The following URB1 variants were observed in gnomAD, a reference collection of about 807,000 sequenced individuals.
The protein encoded by URB1 is URB1 ribosome biogenesis factor.
A neutral mutation model predicts 242.3 loss-of-function variants in URB1; 197 were observed. The ratio of observed to expected loss-of-function variants is 0.81; its 90% CI spans 0.72 to 0.91. The LOEUF is 0.91. Ranked by LOEUF, URB1 falls within the 40% of genes least tolerant of loss-of-function variation. The pLI, the probability that URB1 is intolerant of heterozygous loss-of-function variation, is 0.00. For missense variants in URB1, 2,721 were observed against 2,860.5 expected, an observed-to-expected ratio of 0.95 and a Z score of 1.11; for synonymous variants, 1,153 against 1,201.8, an observed-to-expected ratio of 0.96 and a Z score of 0.84.
chr21:32,350,066 T>C (rs919649822), intron 20 of URB1, among the ~76,000 whole-genome samples: 1 of 145,750 alleles, frequency 6.9e-6, no homozygotes, highest in Admixed American at 7.1e-5. Context: ...GAGGTTGCAG[T>C]GAGCCAAGAT....
intron 14 of URB1, among the ~76,000 whole-genome samples, chr21:32,358,091 G>A (rs2033245025): frequency 6.6e-6 from 1 of 152,146 alleles, no homozygotes; most frequent in Non-Finnish European, 1.5e-5. Context: ...ACAGTATGCT[G>A]CCAGGTCCTT....
Position 32,346,985 on chromosome 21 carries a change from G to A in URB1, c.3839C>T (p.Thr1280Ile). 6.5e-7 allele frequency: 1 copy of A among 1,533,258 alleles called. No homozygotes were observed. Among genetic ancestry groups the A allele is most frequent in the Non-Finnish European group, 8.8e-7 (1 of 1,133,606 alleles). 95.0% of individuals were successfully genotyped at this position (1,533,258 alleles called of 1,614,324 possible). The change falls in exon 22 of 39, where the codon ACA becomes ATA. Residue 1280 changes from threonine to isoleucine, a missense_variant. Thr to Ile is a moderately conservative substitution (Grantham distance 89, BLOSUM62 -1). Transcript: ENST00000382751. ...PLIHVYLQCR[T>I]RSHFTRPAGV... ...TGCTGGGCGTGTGAAGTGGCTCCGTGTCCTGCACTGGAGGTACACATGGAT... is the reference window on the plus strand; with the variant it reads ...TGCTGGGCGTGTGAAGTGGCTCCGTATCCTGCACTGGAGGTACACATGGAT...
At chr21:32,388,959 T>C (rs896484566) in intron 1 of URB1, among the ~76,000 whole-genome samples, 1 of 152,190 alleles carries the variant, frequency 6.6e-6, no homozygotes. Flanking sequence ...TCTACCCACA[T>C]GGTCCTTACA....
At chr21:32,374,607 C>A (rs181664476) in intron 6 of URB1, among the ~76,000 whole-genome samples, 2 of 152,170 alleles carry the variant, frequency 1.3e-5, no homozygotes, top group Non-Finnish European at 2.9e-5. Context: ...GCAAAAAAAT[C>A]TGTATGTCAT....
intron 16 of URB1, 55 bp from the exon 17 acceptor site, chr21:32,355,052 G>T: frequency 6.7e-7 from 1 of 1,498,212 alleles, no homozygotes; most frequent in Admixed American, 2.3e-5. Context: ...GTGAAATGAA[G>T]AAGCCAAAAA....
At chr21:32,317,201 G>A in intron 37 of URB1, 136 bp from the exon 38 acceptor site, 3 of 1,248,390 alleles carry the variant, frequency 2.4e-6, no homozygotes, top group Non-Finnish European at 3.2e-6. Flanking sequence ...TCCCACGTCA[G>A]GAGCCTGGTG....
At chr21:32,321,693 G>T in intron 34 of URB1, 108 bp downstream of exon 34, 1 of 1,473,580 alleles carries the variant, frequency 6.8e-7, no homozygotes, top group Non-Finnish European at 9.1e-7. Flanking sequence ...GGTTAGGTCG[G>T]TCGTGTCCAG....
rs2033658528 is a variant in URB1, at chr21:32,392,989, G to C, written c.-79C>G. On this transcript the variant is annotated 5_prime_UTR_variant, in exon 1 of 39. Transcript: ENST00000382751. ...GAGCACTGGCACAGACAGCAGACAC[G>C]CGCTTCAGGCCCACATGGCGCAGGA... 2.1e-6 allele frequency: 3 copies of C among 1,405,916 alleles called. No individual in the cohort carries two copies. The highest frequency in any genetic ancestry group is 1.5e-5 in the South Asian group (1 of 66,842). 87.1% of individuals were successfully genotyped at this position (1,405,916 alleles called of 1,614,324 possible). A position where few individuals can be genotyped will look rare whatever the true frequency, so the allele number is the denominator to read the frequency against.
At position 32,342,735 on chromosome 21, in the gene URB1, G is replaced by A. The variant is rs910784932; in HGVS notation, c.4258-1211C>T. On this transcript the variant is annotated intron_variant, in intron 24 of 38. Transcript: ENST00000382751. Reference sequence around the variant, plus strand: ...CTCCAGAGCAGCTGGAATTACAGGCGCGTGCCACCATGCCTGGCTCATCAC... The same window carrying A: ...CTCCAGAGCAGCTGGAATTACAGGCACGTGCCACCATGCCTGGCTCATCAC... Among the ~76,000 whole-genome samples, 19 of 84,418 alleles carry A rather than the reference G, an allele frequency of 2.3e-4. No individual in the cohort carries two copies. In the South Asian group the frequency reaches 2.8e-3, roughly 13 times the overall value. 55.4% of individuals were successfully genotyped at this position (84,418 alleles called of 152,430 possible). A position where few individuals can be genotyped will look rare whatever the true frequency, so the allele number is the denominator to read the frequency against.
chr21:32,336,299 C>T (rs149953866), intron 28 of URB1, among the ~76,000 whole-genome samples: 28 of 152,094 alleles, frequency 1.8e-4, no homozygotes, highest in African/African-American at 5.8e-4. Flanking sequence ...AGTACTTTGA[C>T]GTGGAAATTG....
intron 1 of URB1, among the ~76,000 whole-genome samples, chr21:32,386,876 C>A (rs545513333): frequency 6.6e-6 from 1 of 152,274 alleles, no homozygotes; most frequent in South Asian, 2.1e-4. Flanking sequence ...GGACTCCAAT[C>A]CAGGCAGTCG....
intron 33 of URB1, 118 bp from the exon 34 acceptor site, chr21:32,322,062 T>G: frequency 8.6e-7 from 1 of 1,166,642 alleles, no homozygotes. Context: ...AGCCCTGACC[T>G]CCATGTCTGA....
intron 5 of URB1, among the ~76,000 whole-genome samples, chr21:32,376,787 G>A (rs1332152819): frequency 6.6e-6 from 1 of 150,974 alleles, no homozygotes; most frequent in African/African-American, 2.4e-5. Context: ...ACAGGTACAC[G>A]CCAACACACC....
At chr21:32,345,612 A>G (rs753166066) in intron 22 of URB1, 37 bp from the exon 23 acceptor site, 66 of 1,499,708 alleles carry the variant, frequency 4.4e-5, no homozygotes, top group Non-Finnish European at 5.7e-5. Context: ...CATCACACCC[A>G]ATGGTGGGCT....
intron 38 of URB1, 104 bp from the exon 39 acceptor site, chr21:32,315,203 C>A: frequency 1.6e-6 from 2 of 1,276,742 alleles, no homozygotes; most frequent in Non-Finnish European, 2.1e-6. Flanking sequence ...CCCAAATGAA[C>A]CGTGCCACAG....
At chr21:32,336,101 T>A (rs953435596) in intron 28 of URB1, among the ~76,000 whole-genome samples, 1 of 152,004 alleles carries the variant, frequency 6.6e-6, no homozygotes, top group South Asian at 2.1e-4. Context: ...ATAACTGACA[T>A]AGCACCAGCT....
intron 5 of URB1, 62 bp downstream of exon 5, chr21:32,378,383 C>T (rs1397436197): frequency 1.5e-5 from 22 of 1,434,258 alleles, no homozygotes; most frequent in Non-Finnish European, 2.0e-5. Context: ...TTGGAAGAAA[C>T]GGTTTGCAGT....
At chr21:32,371,131 G>A (rs1432571583) in intron 8 of URB1, among the ~76,000 whole-genome samples, 3 of 152,230 alleles carry the variant, frequency 2.0e-5, no homozygotes, top group Non-Finnish European at 4.4e-5. Flanking sequence ...GGTCTGCACA[G>A]GAACCTGAAT....
At chr21:32,355,309 T>C (rs2033206511) in intron 16 of URB1, 140 bp downstream of exon 16, 2 of 748,902 alleles carry the variant, frequency 2.7e-6, no homozygotes, top group Non-Finnish European at 4.4e-6. Flanking sequence ...ATGTAGATTC[T>C]GAAGTCTCAG....
Sources: gnomAD v4.1 joint callset for allele counts (sites outside exome capture counted in the v4.1 genomes callset) on GRCh38, gnomAD v4.1.1 for gene constraint, MANE v1.5 for transcripts, NCBI Gene and HGNC (gene_info 2026-07-23, HGNC 2026-07-21) for gene names.